Variants in RTN4 observed in about 807,000 individuals in gnomAD.
RTN4 encodes reticulon 4, also known as reticulon-4.
In RTN4, 32 loss-of-function variants were observed where a neutral mutation model predicts 90.4. The ratio of observed to expected loss-of-function variants is 0.35; its 90% CI spans 0.27 to 0.48. RTN4 has a LOEUF of 0.48. Among genes scored for constraint, RTN4 ranks in the 20% least tolerant of loss-of-function variants. RTN4 has a pLI of 0.99. For synonymous variants in RTN4, 629 were observed against 552.5 expected (o/e 1.14, Z -1.94); for missense variants, 1,706 against 1,430.2 (o/e 1.19, Z -3.11).
chr2:55,091,917 G>A (rs903862065), intron 1 of RTN4, among the ~76,000 whole-genome samples: 1 of 152,134 alleles, frequency 6.6e-6, no homozygotes, highest in Non-Finnish European at 1.5e-5. Context: ...TCACTATCAC[G>A]AGAACAGCAC....
intron 3 of RTN4, among the ~76,000 whole-genome samples, chr2:54,997,722 C>T (rs1049602741): frequency 4.6e-5 from 7 of 152,156 alleles, no homozygotes; most frequent in Non-Finnish European, 1.0e-4. Context: ...TTTTCCCTTT[C>T]CCTGGTTAGA....
At chr2:54,984,914 T>G (rs1678429484) in intron 4 of RTN4, among the ~76,000 whole-genome samples, 1 of 152,148 alleles carries the variant, frequency 6.6e-6, no homozygotes, top group Non-Finnish European at 1.5e-5. Flanking sequence ...GAGACTAGCC[T>G]GGGCGACACA....
At chr2:55,087,295 G>A (rs1668858366) in intron 1 of RTN4, among the ~76,000 whole-genome samples, 1 of 152,198 alleles carries the variant, frequency 6.6e-6, no homozygotes, top group Non-Finnish European at 1.5e-5. Context: ...CTGCCAAACA[G>A]CTTCCTAAGT....
chr2:54,980,567 G>A lies in RTN4; in HGVS notation c.3360+1948C>T, dbSNP rs1258575993. Among the ~76,000 whole-genome samples the A allele has an allele frequency of 2.6e-5, 4 of 152,238 alleles. No individual in the cohort carries two copies. The East Asian group carries it at 7.7e-4, about 29-fold the overall frequency. On this transcript the variant is annotated intron_variant, in intron 5 of 8. Coordinates refer to ENST00000337526, the MANE Select transcript of RTN4 (RefSeq NM_020532.5). ...ATATAGCTGCCTTCACTGCTATACT[G>A]TGCAAACATCGAGGATGACTTTTGG...
At position 54,981,143 on chromosome 2, in the gene RTN4, T is replaced by C. The variant is rs539542864; in HGVS notation, c.3360+1372A>G. 2.0e-5 allele frequency among the ~76,000 whole-genome samples: 3 copies of C among 152,348 alleles called. No individual in the cohort carries two copies. The South Asian group carries it at 6.2e-4, about 32-fold the overall frequency. On this transcript the variant is annotated intron_variant, in intron 5 of 8. Transcript: ENST00000337526. ...CTACATTATTTACCCTTGATGTTAT[T>C]AGGAAGTAACTTAAGTTCCAAGTCA...
intron 3 of RTN4, among the ~76,000 whole-genome samples, chr2:54,988,515 TTTC>T (rs1439770344): frequency 6.6e-6 from 1 of 152,230 alleles, no homozygotes; most frequent in African/African-American, 2.4e-5. Flanking sequence ...ATGAGCTTTT[TTTC>T]TTATTTGATT....
At chr2:55,097,840 T>C (rs892891583) in intron 1 of RTN4, among the ~76,000 whole-genome samples, 1 of 151,998 alleles carries the variant, frequency 6.6e-6, no homozygotes, top group African/African-American at 2.4e-5. Flanking sequence ...TCTGAATCAT[T>C]TGAATCACCA....
At chr2:55,133,550 G>A in the RTN4 span, among the ~76,000 whole-genome samples, 6 of 152,110 alleles carry the variant, frequency 3.9e-5, no homozygotes, top group Non-Finnish European at 7.3e-5. Flanking sequence ...GTTCAATTCC[G>A]TTAGAACTAC....
chr2:55,011,567 T>A (rs559415930), intron 3 of RTN4, among the ~76,000 whole-genome samples: 2 of 152,262 alleles, frequency 1.3e-5, no homozygotes, highest in South Asian at 4.1e-4. Context: ...AATACATACT[T>A]AAGACTGTAT....
chr2:54,987,396 T>C (rs186580203), intron 4 of RTN4, 95 bp downstream of exon 4: 4 of 928,442 alleles, frequency 4.3e-6, no homozygotes, highest in East Asian at 4.8e-5. Context: ...AACAAAAAAA[T>C]GCATGCTTGT....
rs980539964 is a variant in RTN4 at position 55,049,658 on chromosome 2, G to T, written c.556+87C>A. On this transcript the variant is annotated intron_variant, in intron 1 of 8. Transcript: ENST00000337526. ...GACAAAGCGCCCTCGGGGCGGAGAG[G>T]AGGGACCAGCCCAAAGCATCTGGGG... 5 of 1,531,342 alleles carry T rather than the reference G, an allele frequency of 3.3e-6. No individual in the cohort carries two copies. In the African/African-American group the frequency reaches 5.5e-5, roughly 17 times the overall value. 94.9% of individuals were successfully genotyped at this position (1,531,342 alleles called of 1,614,324 possible).
chr2:55,128,031 G>C, the RTN4 span, among the ~76,000 whole-genome samples: 1 of 151,874 alleles, frequency 6.6e-6, no homozygotes, highest in Non-Finnish European at 1.5e-5. Context: ...TCCATGCCTG[G>C]CTAATTTTTT....
At chr2:54,978,304 C>T (rs2104619642) in intron 5 of RTN4, among the ~76,000 whole-genome samples, 1 of 152,114 alleles carries the variant, frequency 6.6e-6, no homozygotes, top group South Asian at 2.1e-4. Context: ...GTGGCGGACA[C>T]CTGTAGTCCC....
rs757511449 is a variant in RTN4 at position 54,982,654 on chromosome 2, C to G, written c.3222-1G>C. 5.6e-6 allele frequency: 9 copies of G among 1,602,400 alleles called. No individual in the cohort carries two copies. Among genetic ancestry groups the G allele is most frequent in the Non-Finnish European group, 7.7e-6 (9 of 1,175,926 alleles). On this transcript the variant is annotated splice_acceptor_variant, in intron 4 of 8. Coordinates refer to ENST00000337526, the MANE Select transcript of RTN4 (RefSeq NM_020532.5). LOFTEE classifies it high-confidence loss of function. ...AGCAACTTCAGATTCCAGATATGCC[C>G]TAGAAAACAAAACACATCATAATTG...
intron 1 of RTN4, among the ~76,000 whole-genome samples, chr2:55,107,015 G>C (rs536755090): frequency 6.6e-6 from 1 of 152,184 alleles, no homozygotes; most frequent in South Asian, 2.1e-4. Context: ...AAATTAAGCA[G>C]ACCCAGCATT....
intron 1 of RTN4, among the ~76,000 whole-genome samples, chr2:55,036,657 A>G (rs1573445981): frequency 6.6e-6 from 1 of 151,854 alleles, no homozygotes; most frequent in East Asian, 1.9e-4. Context: ...TTTAAATCAT[A>G]TAATGAAATT....
chr2:55,057,969 C>CA (rs1410778887), intron 2 of RTN4, among the ~76,000 whole-genome samples: 2 of 151,982 alleles, frequency 1.3e-5, no homozygotes. Context: ...GGCAACAGAG[C>CA]AAAATCCTAT....
chr2:55,047,471 T>C (rs977622878), intron 1 of RTN4, among the ~76,000 whole-genome samples: 2 of 152,032 alleles, frequency 1.3e-5, no homozygotes, highest in African/African-American at 4.8e-5. Context: ...ATATGGCAAT[T>C]AGTGTTTTGA....
Position 54,972,888 on chromosome 2 carries a change from T to C in RTN4, c.*268A>G. On this transcript the variant is annotated 3_prime_UTR_variant, in exon 9 of 9. Coordinates refer to ENST00000337526, the MANE Select transcript of RTN4 (RefSeq NM_020532.5). Reference sequence around the variant, plus strand: ...CAAAGTAAAATATACAGGTTTTTTATTCCACCAGTGCCTCAGATAGATAGG... The same window carrying C: ...CAAAGTAAAATATACAGGTTTTTTACTCCACCAGTGCCTCAGATAGATAGG... 3.1e-6 allele frequency: 1 copy of C among 321,804 alleles called. No homozygotes were observed. The highest frequency in any genetic ancestry group is 4.6e-5 in the East Asian group (1 of 21,954). The allele number at this position is 321,804 out of a possible 1,614,324, so 19.9% of individuals were successfully genotyped here.
Sources: gnomAD v4.1 joint callset for allele counts (sites outside exome capture counted in the v4.1 genomes callset) on GRCh38, gnomAD v4.1.1 for gene constraint, MANE v1.5 for transcripts, NCBI Gene and HGNC (gene_info 2026-07-23, HGNC 2026-07-21) for gene names.